Variants in STX1B observed in about 807,000 individuals in gnomAD.
STX1B encodes the protein syntaxin 1B.
A neutral mutation model predicts 39.4 loss-of-function variants in STX1B; 7 were observed. The observed-to-expected ratio is 0.18, with a 90% confidence interval of 0.10 to 0.33. The LOEUF is 0.33. Ranked by LOEUF, STX1B falls within the 10% of genes least tolerant of loss-of-function variation. The pLI is 1.00. For missense variants in STX1B, 198 were observed against 383.2 expected, an observed-to-expected ratio of 0.52 and a Z score of 4.04; for synonymous variants, 136 against 144.1, an observed-to-expected ratio of 0.94 and a Z score of 0.40.
chr16:31,004,900 TAAATGTC>T (rs1230119378), intron 1 of STX1B, among the ~76,000 whole-genome samples: 1 of 152,188 alleles, frequency 6.6e-6, no homozygotes, highest in African/African-American at 2.4e-5. Context: ...TGTCTGGCAC[TAAATGTC>T]AGGCTCTCTC....
intron 1 of STX1B, among the ~76,000 whole-genome samples, chr16:31,008,429 C>A (rs1166356918): frequency 6.6e-6 from 1 of 151,864 alleles, no homozygotes; most frequent in Non-Finnish European, 1.5e-5. Flanking sequence ...CCCCGCTTAG[C>A]CTTTTCCCTC....
chr16:30,998,175 T>A (rs2056605574), intron 4 of STX1B, among the ~76,000 whole-genome samples: 1 of 152,214 alleles, frequency 6.6e-6, no homozygotes, highest in African/African-American at 2.4e-5. Flanking sequence ...TCTGGAAAAG[T>A]GCACAGATTA....
At chr16:30,997,717 T>G (rs1596717444) in intron 4 of STX1B, 142 bp from the exon 5 acceptor site, 1 of 740,588 alleles carries the variant, frequency 1.4e-6, no homozygotes. Flanking sequence ...CGGGCAGCGG[T>G]GCCCCAGGGT....
At chr16:31,003,719 A>G (rs1396098042) in intron 1 of STX1B, among the ~76,000 whole-genome samples, 1 of 152,200 alleles carries the variant, frequency 6.6e-6, no homozygotes, top group Admixed American at 6.5e-5. Flanking sequence ...GTTTGCCCTC[A>G]AGACAGGAAG....
chr16:31,009,693 C>G (rs776266387), intron 1 of STX1B, among the ~76,000 whole-genome samples: 1 of 151,708 alleles, frequency 6.6e-6, no homozygotes, highest in South Asian at 2.1e-4. Flanking sequence ...CTTGACTGCC[C>G]GGGGTGCCCC....
intron 1 of STX1B, among the ~76,000 whole-genome samples, chr16:31,008,386 C>A (rs888928025): frequency 1.3e-5 from 2 of 152,062 alleles, no homozygotes; most frequent in African/African-American, 4.8e-5. Flanking sequence ...CTGACTCATT[C>A]ATGAGGCCTC....
rs12932544 is a variant in STX1B at position 30,991,285 on chromosome 16, G to C, written c.*1536C>G. 6.5e-6 allele frequency: 1 copy of C among 152,834 alleles called. No homozygotes were observed. The highest frequency in any genetic ancestry group is 1.5e-5 in the Non-Finnish European group (1 of 68,138). The allele number at this position is 152,834 out of a possible 1,614,324, so 9.5% of individuals were successfully genotyped here. On this transcript the variant is annotated 3_prime_UTR_variant, in exon 10 of 10. Coordinates refer to ENST00000215095, the MANE Select transcript of STX1B (RefSeq NM_052874.5). ...GCACACTGAGGGGTACCAGCTTCCA[G>C]GGGCTCGGGGCTATGCTGGGCAGAG...
chr16:30,998,331 A>G (rs2056606417), intron 4 of STX1B, among the ~76,000 whole-genome samples: 1 of 152,258 alleles, frequency 6.6e-6, no homozygotes, highest in Non-Finnish European at 1.5e-5. Context: ...ACCAGCCTCC[A>G]GGCCATTCCT....
chr16:31,003,908 G>A (rs1185068130), intron 1 of STX1B, among the ~76,000 whole-genome samples: 1 of 152,194 alleles, frequency 6.6e-6, no homozygotes, highest in Non-Finnish European at 1.5e-5. Context: ...ACAGATGAGG[G>A]AACAGGAAGC....
intron 9 of STX1B, 103 bp from the exon 10 acceptor site, chr16:30,993,004 G>A: frequency 7.6e-7 from 1 of 1,317,082 alleles, no homozygotes; most frequent in Admixed American, 1.7e-5. Flanking sequence ...GAAGAGGGGA[G>A]AGAAAACAGA....
rs2056564605 is a variant in STX1B at position 30,992,455 on chromosome 16, C to T, written c.*366G>A. The T allele has an allele frequency of 8.0e-6, 2 of 248,706 alleles. No homozygotes were observed. The highest frequency in any genetic ancestry group is 6.8e-5 in the South Asian group (1 of 14,726). The allele number at this position is 248,706 out of a possible 1,614,324, so 15.4% of individuals were successfully genotyped here. A position where few individuals can be genotyped will look rare whatever the true frequency, so the allele number is the denominator to read the frequency against. ...ACTTGGCTGCAGTCTACACAACAGC[C>T]CCGGTGAAGGGGGAAGCTCAGACCA... is the stretch of plus-strand genomic sequence containing the variant. On this transcript the variant is annotated 3_prime_UTR_variant, in exon 10 of 10. Transcript: ENST00000215095.
chr16:30,997,471 A>G (rs1045371517), intron 5 of STX1B, 31 bp downstream of exon 5: 1 of 1,575,912 alleles, frequency 6.3e-7, no homozygotes, highest in African/African-American at 1.3e-5. Context: ...CTGGGTCCCG[A>G]CCCGACCCCC....
chr16:31,005,438 A>G (rs2056650086), intron 1 of STX1B, among the ~76,000 whole-genome samples: 1 of 150,628 alleles, frequency 6.6e-6, no homozygotes, highest in South Asian at 2.1e-4. Flanking sequence ...GTCCTATTAC[A>G]AGTGCTTTGC....
intron 9 of STX1B, 39 bp downstream of exon 9, chr16:30,993,091 G>A: frequency 6.3e-7 from 1 of 1,596,774 alleles, no homozygotes; most frequent in Non-Finnish European, 8.6e-7. Flanking sequence ...CTCAGCCTTG[G>A]GCTCCCCCGC....
chr16:30,999,036 T>G (rs1414787442), intron 4 of STX1B, among the ~76,000 whole-genome samples: 1 of 152,168 alleles, frequency 6.6e-6, no homozygotes, highest in Non-Finnish European at 1.5e-5. Context: ...GAAAAAAAAG[T>G]ATTTTGATGC....
intron 4 of STX1B, among the ~76,000 whole-genome samples, chr16:30,999,779 CT>C (rs2056614460): frequency 6.6e-6 from 1 of 152,192 alleles, no homozygotes; most frequent in Admixed American, 6.5e-5. Context: ...GGAAGATCAC[CT>C]TTTTCTGGTG....
At chr16:31,000,839 T>C (rs2056622834) in intron 4 of STX1B, 89 bp downstream of exon 4, 3 of 1,323,732 alleles carry the variant, frequency 2.3e-6, no homozygotes, top group Admixed American at 1.7e-5. Context: ...GATTGAGCAA[T>C]TGGCCCCGCC....
intron 1 of STX1B, among the ~76,000 whole-genome samples, chr16:31,004,263 T>C (rs554083467): frequency 2.0e-5 from 3 of 152,398 alleles, no homozygotes; most frequent in Admixed American, 6.5e-5. Context: ...TGTTTTACAA[T>C]GTGCCAGGCA....
chr16:30,996,820 T>C, intron 6 of STX1B, 64 bp from the exon 7 acceptor site: 3 of 1,582,394 alleles, frequency 1.9e-6, no homozygotes, highest in East Asian at 2.3e-5. Context: ...GGTGGGGTGA[T>C]GGGGCGGGGA....
Sources: allele counts gnomAD v4.1 joint callset (sites outside exome capture counted in the v4.1 genomes callset), GRCh38; gene constraint gnomAD v4.1.1; transcripts MANE v1.5; gene names NCBI Gene and HGNC (gene_info 2026-07-23, HGNC 2026-07-21).